UNC13C: variants seen among roughly 807,000 people sequenced by gnomAD.
UNC13C encodes unc-13 homolog C.
UNC13C carries 174 observed loss-of-function variants against 245.4 expected under a neutral mutation model. The observed-to-expected ratio is 0.71, with a 90% confidence interval of 0.63 to 0.80. UNC13C has a LOEUF of 0.80. UNC13C is among the 30% of genes least tolerant of loss of function. UNC13C has a pLI of 0.00. For missense variants in UNC13C, 2,829 were observed against 2,602.9 expected (o/e 1.09, Z -1.89); for synonymous variants, 992 against 895.1 (o/e 1.11, Z -1.93).
At chr15:54,453,727 A>C (rs1013834619) in intron 19 of UNC13C, among the ~76,000 whole-genome samples, 3 of 152,238 alleles carry the variant, frequency 2.0e-5, no homozygotes. Flanking sequence ...CACTGCCACC[A>C]GCTATAAATA....
At chr15:54,379,288 C>A (rs2039671078) in intron 17 of UNC13C, among the ~76,000 whole-genome samples, 1 of 151,950 alleles carries the variant, frequency 6.6e-6, no homozygotes, top group Non-Finnish European at 1.5e-5. Context: ...TATTCCACTT[C>A]CTCTTAAAAT....
intron 2 of UNC13C, among the ~76,000 whole-genome samples, chr15:54,071,028 A>G (rs753928610): frequency 2.2e-4 from 34 of 152,160 alleles, no homozygotes; most frequent in Non-Finnish European, 2.8e-4. Flanking sequence ...AGATAATACT[A>G]TTCCTATATG....
At chr15:54,258,623 C>T (rs1223223425) in intron 8 of UNC13C, among the ~76,000 whole-genome samples, 1 of 152,242 alleles carries the variant, frequency 6.6e-6, no homozygotes, top group East Asian at 1.9e-4. Context: ...CCTGCCTCGG[C>T]CTCCAAAAGT....
upstream of UNC13C, among the ~76,000 whole-genome samples, chr15:53,977,196 G>A (rs535982666): frequency 6.6e-6 from 1 of 152,310 alleles, no homozygotes; most frequent in African/African-American, 2.4e-5. Flanking sequence ...GGGGCTGATA[G>A]CTGGGAATGG....
At chr15:54,413,322 A>C (rs2040451450) in intron 18 of UNC13C, among the ~76,000 whole-genome samples, 1 of 152,060 alleles carries the variant, frequency 6.6e-6, no homozygotes, top group South Asian at 2.1e-4. Flanking sequence ...ATTCAAATAA[A>C]TTAAAATAGC....
intron 19 of UNC13C, among the ~76,000 whole-genome samples, chr15:54,424,218 C>A (rs1046682930): frequency 6.6e-6 from 1 of 151,592 alleles, no homozygotes; most frequent in Admixed American, 6.6e-5. Context: ...AAAAAAATAG[C>A]TGTGACTATT....
At chr15:53,927,138 C>G in the UNC13C span, among the ~76,000 whole-genome samples, 1 of 152,064 alleles carries the variant, frequency 6.6e-6, no homozygotes, top group African/African-American at 2.4e-5. Context: ...ATTTTTATTC[C>G]AATTTAATTC....
At chr15:53,872,739 T>C in the UNC13C span, among the ~76,000 whole-genome samples, 1 of 152,186 alleles carries the variant, frequency 6.6e-6, no homozygotes, top group African/African-American at 2.4e-5. Flanking sequence ...TCAGGATGAA[T>C]TTCAAGTCCT....
intron 2 of UNC13C, among the ~76,000 whole-genome samples, chr15:54,099,457 T>C (rs1234187855): frequency 6.6e-6 from 1 of 152,204 alleles, no homozygotes; most frequent in African/African-American, 2.4e-5. Flanking sequence ...GCAACCCTGC[T>C]GTATTTCTTC....
intron 4 of UNC13C, among the ~76,000 whole-genome samples, chr15:54,199,749 A>G (rs1365338271): frequency 6.6e-6 from 1 of 152,130 alleles, no homozygotes. Context: ...TTAAAGCACA[A>G]ATCTCACAGG....
intron 24 of UNC13C, among the ~76,000 whole-genome samples, chr15:54,524,781 CTTCTT>C (rs1173109155): frequency 6.6e-6 from 1 of 152,144 alleles, no homozygotes; most frequent in Non-Finnish European, 1.5e-5. Context: ...ATCCTGTCCT[CTTCTT>C]TTCAATAGTA....
chr15:54,548,208 CTTTTTTTTTTTTT>C (rs60975842), intron 27 of UNC13C, among the ~76,000 whole-genome samples: 4 of 61,940 alleles, frequency 6.5e-5, no homozygotes, highest in South Asian at 7.5e-4. Flanking sequence ...GTTTCTTTTG[CTTTTTTTTTTTTT>C]TTTTTTTTTT....
At chr15:54,198,086 A>G (rs1354486867) in intron 4 of UNC13C, among the ~76,000 whole-genome samples, 1 of 152,064 alleles carries the variant, frequency 6.6e-6, no homozygotes, top group East Asian at 1.9e-4. Flanking sequence ...TATATGGCTT[A>G]GCAGAAGCAG....
chr15:54,385,505 T>C (rs1250412391), intron 17 of UNC13C, among the ~76,000 whole-genome samples: 1 of 149,206 alleles, frequency 6.7e-6, no homozygotes, highest in African/African-American at 2.5e-5. Flanking sequence ...GATGTGGAAA[T>C]AGAGAATAGA....
chr15:54,535,868 G>C (rs1895961446), intron 26 of UNC13C, among the ~76,000 whole-genome samples: 1 of 151,832 alleles, frequency 6.6e-6, no homozygotes, highest in Non-Finnish European at 1.5e-5. Flanking sequence ...AGTATATAGT[G>C]CTCAACATCC....
chr15:53,929,892 G>A, the UNC13C span, among the ~76,000 whole-genome samples: 1 of 152,158 alleles, frequency 6.6e-6, no homozygotes, highest in African/African-American at 2.4e-5. Context: ...AAAATAAGAT[G>A]CTACCGGTGA....
intron 30 of UNC13C, among the ~76,000 whole-genome samples, chr15:54,607,200 C>T (rs1899814685): frequency 1.3e-5 from 2 of 152,094 alleles, no homozygotes; most frequent in South Asian, 2.1e-4. Context: ...ATGTATGATA[C>T]CAAATAGTTG....
intron 30 of UNC13C, chr15:54,609,554 A>G (rs914253790): frequency 6.6e-6 from 1 of 152,164 alleles, no homozygotes; most frequent in Non-Finnish European, 1.5e-5. Context: ...ATGTTTAAAC[A>G]TTTTAATTAA....
intron 2 of UNC13C, among the ~76,000 whole-genome samples, chr15:54,035,930 C>T (rs1896561731): frequency 6.6e-6 from 1 of 151,990 alleles, no homozygotes; most frequent in African/African-American, 2.4e-5. Flanking sequence ...TATGGTCATA[C>T]ATTTCTGTCT....
Sources: gnomAD v4.1 joint callset for allele counts (sites outside exome capture counted in the v4.1 genomes callset) on GRCh38, gnomAD v4.1.1 for gene constraint, MANE v1.5 for transcripts, NCBI Gene and HGNC (gene_info 2026-07-23, HGNC 2026-07-21) for gene names.